Variants in AFF4 observed in about 807,000 individuals in gnomAD.
AFF4 encodes the protein ALF transcription elongation factor 4.
AFF4 carries 13 observed loss-of-function variants against 124.8 expected under a neutral mutation model. That is an observed-to-expected ratio of 0.10 (90% CI 0.07 to 0.17). The LOEUF (loss-of-function observed/expected upper bound fraction) is 0.17. AFF4 is among the 10% of genes least tolerant of loss of function. The pLI is 1.00. For synonymous variants in AFF4, 477 were observed against 496.1 expected, an observed-to-expected ratio of 0.96 and a Z score of 0.51; for missense variants, 1,092 against 1,403.8, an observed-to-expected ratio of 0.78 and a Z score of 3.55.
At chr5:132,922,086 T>C (rs1464381231) in intron 5 of AFF4, among the ~76,000 whole-genome samples, 1 of 152,206 alleles carries the variant, frequency 6.6e-6, no homozygotes, top group East Asian at 1.9e-4. Flanking sequence ...ACACCTACCA[T>C]ATACCTAACC....
chr5:132,919,007 A>T (rs191805880), intron 5 of AFF4, among the ~76,000 whole-genome samples: 1 of 151,728 alleles, frequency 6.6e-6, no homozygotes, highest in African/African-American at 2.4e-5. Context: ...CAGCCTCCTG[A>T]GTAGCTGGGA....
chr5:132,892,650 A>C (rs1473123113), intron 12 of AFF4, among the ~76,000 whole-genome samples: 2 of 152,218 alleles, frequency 1.3e-5, no homozygotes, highest in South Asian at 4.1e-4. Flanking sequence ...TACTCAATAA[A>C]TATTGGCTGA....
chr5:132,878,623 T>C lies in AFF4; in HGVS notation c.*2436A>G, dbSNP rs1273490318. ...ACATTGAAAATTCAATCATTTATGA[T>C]AGGATTTTGATCCATTGCCCATTAC... On this transcript the variant is annotated 3_prime_UTR_variant, in exon 21 of 21. Coordinates refer to ENST00000265343, the MANE Select transcript of AFF4 (RefSeq NM_014423.4). The C allele has an allele frequency of 4.4e-6, 1 of 229,078 alleles. No individual in the cohort carries two copies. The highest frequency in any genetic ancestry group is 2.2e-5 in the African/African-American group (1 of 45,058). The allele number at this position is 229,078 out of a possible 1,614,324, so 14.2% of individuals were successfully genotyped here. A position where few individuals can be genotyped will look rare whatever the true frequency, so the allele number is the denominator to read the frequency against.
intron 1 of AFF4, among the ~76,000 whole-genome samples, chr5:132,956,105 G>A (rs937061544): frequency 6.6e-6 from 1 of 151,902 alleles, no homozygotes; most frequent in Non-Finnish European, 1.5e-5. Flanking sequence ...TGGGGACCTT[G>A]TAACTAACTG....
chr5:132,908,755 TAC>T (rs1561490328), intron 5 of AFF4, among the ~76,000 whole-genome samples: 1 of 134,838 alleles, frequency 7.4e-6, no homozygotes, highest in East Asian at 2.2e-4. Flanking sequence ...ACTATATATA[TAC>T]ATATATATAT....
At chr5:132,938,902 C>T (rs887554151) in intron 1 of AFF4, among the ~76,000 whole-genome samples, 1 of 127,136 alleles carries the variant, frequency 7.9e-6, no homozygotes, top group Admixed American at 9.7e-5. Flanking sequence ...GAGATGGCAC[C>T]ACTGCACTCC....
At chr5:132,931,967 C>CA (rs895892782) in intron 4 of AFF4, among the ~76,000 whole-genome samples, 19 of 150,138 alleles carry the variant, frequency 1.3e-4, no homozygotes, top group Admixed American at 2.7e-4. Flanking sequence ...ACAACAACAA[C>CA]AAAAAAAAAC....
intron 4 of AFF4, among the ~76,000 whole-genome samples, chr5:132,931,092 G>A (rs1428030516): frequency 7.1e-6 from 1 of 141,084 alleles, no homozygotes; most frequent in Non-Finnish European, 1.5e-5. Context: ...GGGTGACAGA[G>A]TAAAACTCTG....
intron 9 of AFF4, 87 bp from the exon 10 acceptor site, chr5:132,898,479 T>C: frequency 7.2e-7 from 1 of 1,389,642 alleles, no homozygotes; most frequent in Non-Finnish European, 9.7e-7. Flanking sequence ...ACTTTCTTTT[T>C]TTCTTCTTGT....
intron 5 of AFF4, among the ~76,000 whole-genome samples, chr5:132,906,177 A>G (rs575196923): frequency 6.6e-6 from 1 of 152,364 alleles, no homozygotes; most frequent in South Asian, 2.1e-4. Flanking sequence ...GAAATGGTAC[A>G]GCTGCTTTGG....
At chr5:132,956,389 G>C (rs1761958228) in intron 1 of AFF4, among the ~76,000 whole-genome samples, 2 of 152,048 alleles carry the variant, frequency 1.3e-5, no homozygotes, top group South Asian at 4.2e-4. Context: ...CCAGCACCTT[G>C]GAAGGCTAAG....
chr5:132,895,963 A>G (rs1351701967), intron 11 of AFF4, among the ~76,000 whole-genome samples: 1 of 152,230 alleles, frequency 6.6e-6, no homozygotes, highest in Non-Finnish European at 1.5e-5. Flanking sequence ...GGTAGGGATT[A>G]TAACAATACG....
intron 5 of AFF4, chr5:132,926,725 T>TC (rs1491033494): frequency 8.7e-6 from 1 of 115,010 alleles, no homozygotes; most frequent in African/African-American, 3.1e-5. Context: ...TTTTTTTTTT[T>TC]TCCTTCCAAT....
chr5:132,901,550 C>G (rs1760552149), intron 7 of AFF4, among the ~76,000 whole-genome samples: 1 of 152,132 alleles, frequency 6.6e-6, no homozygotes, highest in Admixed American at 6.6e-5. Flanking sequence ...CTCAGGAGTT[C>G]AGGAGTTCAT....
intron 2 of AFF4, 42 bp from the exon 3 acceptor site, chr5:132,934,983 A>G: frequency 1.4e-6 from 2 of 1,405,076 alleles, no homozygotes; most frequent in Non-Finnish European, 1.9e-6. Flanking sequence ...AAATGAGCAT[A>G]ATCAGAAATA....
chr5:132,911,777 AG>A (rs1413465411), intron 5 of AFF4, among the ~76,000 whole-genome samples: 1 of 151,940 alleles, frequency 6.6e-6, no homozygotes, highest in African/African-American at 2.4e-5. Flanking sequence ...AAAGATAAAG[AG>A]AACTACAGGA....
rs527363207 is a variant in AFF4 at position 132,950,390 on chromosome 5, G to A, written c.-5+12869C>T. 7.0e-4 allele frequency among the ~76,000 whole-genome samples: 106 copies of A among 152,332 alleles called. 2 individuals are homozygous for A. Among genetic ancestry groups the A allele is most frequent in the Admixed American group, 3.4e-3 (52 of 15,304 alleles). ...CCTGGGAGGCTGAGGCAGGAGAATC[G>A]CTTGAACGGGAGACAGAGGTTGTAG... On this transcript the variant is annotated intron_variant, in intron 1 of 20. Coordinates refer to ENST00000265343, the MANE Select transcript of AFF4 (RefSeq NM_014423.4).
chr5:132,954,813 C>T (rs915522544), intron 1 of AFF4, among the ~76,000 whole-genome samples: 1 of 152,116 alleles, frequency 6.6e-6, no homozygotes. Flanking sequence ...TCCCAAAGTG[C>T]TGGGATTACA....
rs1760148056 is a variant in AFF4, at chr5:132,887,609, A to G, written c.2934-17T>C. On this transcript the variant is annotated splice_polypyrimidine_tract_variant and intron_variant, in intron 16 of 20. Coordinates refer to ENST00000265343, the MANE Select transcript of AFF4 (RefSeq NM_014423.4). Reference sequence around the variant, plus strand: ...ATAGTGTATCTGTTGAGTTACAATAACAAACAAATGACAAACAGAATACTT... The same window carrying G: ...ATAGTGTATCTGTTGAGTTACAATAGCAAACAAATGACAAACAGAATACTT... The G allele has an allele frequency of 6.2e-7, 1 of 1,602,324 alleles. No homozygotes were observed. Among genetic ancestry groups the G allele is most frequent in the South Asian group, 1.1e-5 (1 of 90,720 alleles).
Sources: gnomAD v4.1 joint callset for allele counts (sites outside exome capture counted in the v4.1 genomes callset) on GRCh38, gnomAD v4.1.1 for gene constraint, MANE v1.5 for transcripts, NCBI Gene and HGNC (gene_info 2026-07-23, HGNC 2026-07-21) for gene names.